NCAM1: variants seen among roughly 807,000 people sequenced by gnomAD.
The protein encoded by NCAM1 is neural cell adhesion molecule 1, also known as antigen recognized by monoclonal antibody 5.1H11.
A neutral mutation model predicts 109.8 loss-of-function variants in NCAM1; 14 were observed. The ratio of observed to expected loss-of-function variants is 0.13; its 90% CI spans 0.08 to 0.20. NCAM1 has a LOEUF of 0.20. Among genes scored for constraint, NCAM1 ranks in the 10% least tolerant of loss-of-function variants. The pLI is 1.00. For synonymous variants in NCAM1, 418 were observed against 442.9 expected, an observed-to-expected ratio of 0.94 and a Z score of 0.70; for missense variants, 774 against 1,109.9, an observed-to-expected ratio of 0.70 and a Z score of 4.30.
chr11:113,018,758 A>G (rs1412186683), intron 1 of NCAM1, among the ~76,000 whole-genome samples: 1 of 152,218 alleles, frequency 6.6e-6, no homozygotes, highest in Non-Finnish European at 1.5e-5. Context: ...GTCATTTAAA[A>G]CAGACATAGT....
intron 1 of NCAM1, among the ~76,000 whole-genome samples, chr11:113,193,443 C>T (rs1316035064): frequency 6.6e-5 from 10 of 152,094 alleles, no homozygotes; most frequent in Non-Finnish European, 1.5e-4. Flanking sequence ...GTCAGGAGTT[C>T]GAGACCAGCC....
At chr11:113,221,202 A>G in intron 8 of NCAM1, 94 bp from the exon 9 acceptor site, 1 of 1,245,566 alleles carries the variant, frequency 8.0e-7, no homozygotes. Flanking sequence ...GAAAAGCTGC[A>G]TGTGCACGGA....
intron 1 of NCAM1, among the ~76,000 whole-genome samples, chr11:112,976,755 T>A (rs1255637625): frequency 2.0e-5 from 3 of 151,940 alleles, no homozygotes; most frequent in African/African-American, 7.2e-5. Context: ...CTATATATAT[T>A]TTTGAAATAT....
chr11:113,142,890 G>C (rs990626793), intron 1 of NCAM1, among the ~76,000 whole-genome samples: 2 of 152,108 alleles, frequency 1.3e-5, no homozygotes, highest in Non-Finnish European at 2.9e-5. Flanking sequence ...CGAAAAAATA[G>C]TACAGTGGAT....
In NCAM1 at chr11:113,235,020, C is replaced by A. The variant is rs782502050; in HGVS notation, c.1694-13C>A. On this transcript the variant is annotated splice_polypyrimidine_tract_variant and intron_variant, in intron 13 of 19. Coordinates refer to ENST00000316851, the MANE Select transcript of NCAM1 (RefSeq NM_181351.5). Reference sequence around the variant, plus strand: ...CAATAGACTCTTTTGTCATCCTTCCCATATTATAACAGCCAGCATGGAGGG... The same window carrying A: ...CAATAGACTCTTTTGTCATCCTTCCAATATTATAACAGCCAGCATGGAGGG... 2.1e-5 allele frequency: 33 copies of A among 1,543,106 alleles called. No individual in the cohort carries two copies. In the East Asian group the frequency reaches 7.9e-4, roughly 37 times the overall value.
chr11:113,091,252 A>T (rs1277210503), intron 1 of NCAM1, among the ~76,000 whole-genome samples: 4 of 151,870 alleles, frequency 2.6e-5, no homozygotes, highest in Non-Finnish European at 4.4e-5. Context: ...TGTTTACCCT[A>T]AAATATTTTT....
intron 1 of NCAM1, among the ~76,000 whole-genome samples, chr11:113,062,617 T>A (rs933356688): frequency 1.3e-5 from 2 of 151,226 alleles, no homozygotes; most frequent in East Asian, 2.0e-4. Flanking sequence ...GAAGAAGGGG[T>A]TTGCTACTTC....
chr11:113,211,708 G>A (rs1024848416), intron 7 of NCAM1, among the ~76,000 whole-genome samples: 1 of 152,200 alleles, frequency 6.6e-6, no homozygotes, highest in South Asian at 2.1e-4. Flanking sequence ...ACAAGCAGTG[G>A]CCTGAAAGAA....
At chr11:113,044,523 A>G (rs1953194918) in intron 1 of NCAM1, among the ~76,000 whole-genome samples, 1 of 151,892 alleles carries the variant, frequency 6.6e-6, no homozygotes, top group Admixed American at 6.6e-5. Context: ...CATCTCTACT[A>G]AAAATACAAA....
At chr11:113,123,735 A>G (rs1481408828) in intron 1 of NCAM1, among the ~76,000 whole-genome samples, 1 of 152,048 alleles carries the variant, frequency 6.6e-6, no homozygotes, top group Non-Finnish European at 1.5e-5. Context: ...TACAATGTCA[A>G]CCCGGCTTTA....
chr11:113,013,602 G>A (rs1952130259), intron 1 of NCAM1, among the ~76,000 whole-genome samples: 1 of 152,052 alleles, frequency 6.6e-6, no homozygotes. Flanking sequence ...AATTTATACT[G>A]TCTCTGTTCT....
At chr11:113,167,904 C>T (rs1378920524) in intron 1 of NCAM1, among the ~76,000 whole-genome samples, 2 of 152,016 alleles carry the variant, frequency 1.3e-5, no homozygotes, top group Non-Finnish European at 2.9e-5. Context: ...TGTTTTTGTC[C>T]GACAGCTTGG....
intron 1 of NCAM1, among the ~76,000 whole-genome samples, chr11:113,197,695 G>A (rs1555111084): frequency 1.3e-5 from 2 of 152,150 alleles, no homozygotes. Context: ...TTAGCCACGG[G>A]AGAGACTTTG....
intron 9 of NCAM1, chr11:113,231,092 C>T: frequency 1.7e-6 from 2 of 1,143,386 alleles, no homozygotes; most frequent in East Asian, 2.6e-5. Context: ...CTTGTTTTTA[C>T]ATGTGATTAT....
intron 8 of NCAM1, among the ~76,000 whole-genome samples, chr11:113,216,810 G>A (rs1555114462): frequency 1.3e-5 from 2 of 152,122 alleles, no homozygotes; most frequent in African/African-American, 2.4e-5. Flanking sequence ...ATATATTGAC[G>A]TCAAAGAGGC....
Position 113,093,595 on chromosome 11 carries a change from C to T in NCAM1, c.53-108784C>T, listed in dbSNP as rs148222346. Among the ~76,000 whole-genome samples, 1,465 of 152,250 alleles carry T rather than the reference C, an allele frequency of 9.6e-3. 8 individuals carry two copies. The highest frequency in any genetic ancestry group is 0.017 in the Non-Finnish European group (1,138 of 68,018). ...TCTTTATTCTTAAGCCTTTGGAAGG[C>T]TTCCCTTTGAAAGTTTACGAACGCC... On this transcript the variant is annotated intron_variant, in intron 1 of 19. Coordinates refer to ENST00000316851, the MANE Select transcript of NCAM1 (RefSeq NM_181351.5).
chr11:113,153,438 CACAGAG>C (rs1942301595), intron 1 of NCAM1, among the ~76,000 whole-genome samples: 1 of 145,992 alleles, frequency 6.8e-6, no homozygotes, highest in Admixed American at 6.9e-5. Context: ...GGAGGGGGGG[CACAGAG>C]ACAGAGAGTG....
chr11:113,244,097 G>T (rs1192577394), intron 14 of NCAM1, among the ~76,000 whole-genome samples: 2 of 152,096 alleles, frequency 1.3e-5, no homozygotes, highest in African/African-American at 4.8e-5. Flanking sequence ...GAATGCAGCT[G>T]ACAGCCCCTT....
In NCAM1 at chr11:113,231,626, T is replaced by TA; in HGVS notation, c.1090-19_1090-18insA. The TA allele has an allele frequency of 6.3e-7, 1 of 1,597,510 alleles. No individual in the cohort carries two copies. The highest frequency in any genetic ancestry group is 8.6e-7 in the Non-Finnish European group (1 of 1,167,060). On this transcript the variant is annotated intron_variant, in intron 9 of 19. Coordinates refer to ENST00000316851, the MANE Select transcript of NCAM1 (RefSeq NM_181351.5). ...TGCCTTGGGCTCTGACATGCTCCCT[T>TA]CCCCCCCACCCCCGGCAGACTCTGG...
Sources: allele counts gnomAD v4.1 joint callset (sites outside exome capture counted in the v4.1 genomes callset), GRCh38; gene constraint gnomAD v4.1.1; transcripts MANE v1.5; gene names NCBI Gene and HGNC (gene_info 2026-07-23, HGNC 2026-07-21).